Variants in RNF24 observed in about 807,000 individuals in gnomAD.
The protein encoded by RNF24 is ring finger protein 24.
A neutral mutation model predicts 20.0 loss-of-function variants in RNF24; 14 were observed. The observed-to-expected ratio is 0.70, with a 90% CI of 0.46 to 1.10. The LOEUF (loss-of-function observed/expected upper bound fraction) is 1.10. RNF24 is among the 50% of genes least tolerant of loss of function. RNF24 has a pLI of 0.00. For missense variants in RNF24, 124 were observed against 177.6 expected (o/e 0.70, Z 1.71); for synonymous variants, 45 against 61.1 (o/e 0.74, Z 1.23).
chr20:3,971,250 C>A (rs1276441945), intron 1 of RNF24, among the ~76,000 whole-genome samples: 2 of 152,050 alleles, frequency 1.3e-5, no homozygotes, highest in Non-Finnish European at 2.9e-5. Context: ...GAGCCATCAA[C>A]CCAAAATCCT....
Position 3,927,364 on chromosome 20 carries a change from A to G in RNF24, c.*6699T>C, listed in dbSNP as rs996320248. On this transcript the variant is annotated 3_prime_UTR_variant, in exon 6 of 6. Transcript: ENST00000358395. Reference sequence around the variant, plus strand: ...TTTGAGTCAATTACATGCATGTTTTATTTTTGAGGAGTGATTAGCAAAATG... The same window carrying G: ...TTTGAGTCAATTACATGCATGTTTTGTTTTTGAGGAGTGATTAGCAAAATG... The G allele has an allele frequency of 6.6e-6, 1 of 152,196 alleles. No individual in the cohort carries two copies. The highest frequency in any genetic ancestry group is 2.4e-5 in the African/African-American group (1 of 41,454). The allele number at this position is 152,196 out of a possible 1,614,324, so 9.4% of individuals were successfully genotyped here.
In RNF24 at chr20:3,930,180, T is replaced by C. The variant is rs1303149458; in HGVS notation, c.*3883A>G. 1 of 152,250 alleles carries C rather than the reference T, an allele frequency of 6.6e-6. No homozygotes were observed. The highest frequency in any genetic ancestry group is 2.4e-5 in the African/African-American group (1 of 41,462). 9.4% of individuals were successfully genotyped at this position (152,250 alleles called of 1,614,324 possible). On this transcript the variant is annotated 3_prime_UTR_variant, in exon 6 of 6. Transcript: ENST00000358395. ...AAAGGCTTTTAACTACTTTATGATT[T>C]GTGAACCACATGAATGGATTACCTA...
chr20:3,965,255 T>C (rs192481474), intron 1 of RNF24, among the ~76,000 whole-genome samples: 1 of 152,308 alleles, frequency 6.6e-6, no homozygotes, highest in East Asian at 1.9e-4. Context: ...AACTTCTACT[T>C]TTATTTATGC....
At chr20:3,975,032 C>A (rs552495794) in intron 1 of RNF24, among the ~76,000 whole-genome samples, 1 of 152,122 alleles carries the variant, frequency 6.6e-6, no homozygotes, top group Non-Finnish European at 1.5e-5. Context: ...AATCAAGACA[C>A]TGATTGGTTT....
chr20:4,007,786 T>C (rs1485349659), intron 1 of RNF24, among the ~76,000 whole-genome samples: 1 of 149,528 alleles, frequency 6.7e-6, no homozygotes, highest in Non-Finnish European at 1.5e-5. Flanking sequence ...CATGCTGGTG[T>C]GTGCCTGTGG....
intron 2 of RNF24, among the ~76,000 whole-genome samples, chr20:3,951,180 A>G (rs534788835): frequency 6.6e-6 from 1 of 152,286 alleles, no homozygotes; most frequent in East Asian, 1.9e-4. Flanking sequence ...GATGGTCTCA[A>G]TCTCCTGACC....
At chr20:3,990,352 A>G (rs1331829368) in intron 1 of RNF24, among the ~76,000 whole-genome samples, 1 of 152,174 alleles carries the variant, frequency 6.6e-6, no homozygotes, top group Non-Finnish European at 1.5e-5. Flanking sequence ...AGAGCAACTC[A>G]GCAAAATTAT....
chr20:3,933,098 AAG>A lies in RNF24; in HGVS notation c.*963_*964del, dbSNP rs1305313626. On this transcript the variant is annotated 3_prime_UTR_variant, in exon 6 of 6. Transcript: ENST00000358395. ...TTTTTTTTTTTTTTTCTGAAGTAGA[AAG>A]AGAGATAGGGCAAGAGAGAGAAGAG... 2.0e-4 allele frequency: 75 copies of A among 377,284 alleles called. No individual in the cohort carries two copies. In the East Asian group the frequency reaches 2.7e-3, roughly 13 times the overall value. 23.4% of individuals were successfully genotyped at this position (377,284 alleles called of 1,614,324 possible).
rs867884203 is a variant in RNF24 at position 3,933,083 on chromosome 20, T to C, written c.*980A>G. 813 of 394,128 alleles carry C rather than the reference T, an allele frequency of 2.1e-3. 5 individuals carry two copies. Among genetic ancestry groups the C allele is most frequent in the African/African-American group, 0.016 (747 of 46,480 alleles). The allele number at this position is 394,128 out of a possible 1,614,324, so 24.4% of individuals were successfully genotyped here. A position where few individuals can be genotyped will look rare whatever the true frequency, so the allele number is the denominator to read the frequency against. ...ACAGGCTTTTTTTTTTTTTTTTTTT[T>C]TTTTCTGAAGTAGAAAGAGAGATAG... On this transcript the variant is annotated 3_prime_UTR_variant, in exon 6 of 6. Transcript: ENST00000358395.
intron 2 of RNF24, among the ~76,000 whole-genome samples, chr20:3,953,913 C>T (rs962311764): frequency 2.6e-5 from 4 of 151,260 alleles, no homozygotes; most frequent in South Asian, 4.2e-4. Context: ...TGTGCCACCA[C>T]GTCCAGCTAA....
At chr20:3,948,135 C>A (rs2091041592) in intron 3 of RNF24, 102 bp downstream of exon 3, 8 of 790,246 alleles carry the variant, frequency 1.0e-5, no homozygotes, top group Non-Finnish European at 1.7e-5. Context: ...AAAATGAACA[C>A]AAGTAAATTC....
chr20:3,993,432 G>A (rs925839553), intron 1 of RNF24, among the ~76,000 whole-genome samples: 2 of 152,024 alleles, frequency 1.3e-5, no homozygotes, highest in Non-Finnish European at 2.9e-5. Context: ...GATTACAGGA[G>A]CCCGTCACCA....
chr20:3,980,300 A>G (rs1474059322), intron 1 of RNF24, among the ~76,000 whole-genome samples: 1 of 152,182 alleles, frequency 6.6e-6, no homozygotes. Flanking sequence ...TCGATGGTAG[A>G]TATGTTCACA....
At chr20:4,010,838 G>C (rs2122168887) in intron 1 of RNF24, among the ~76,000 whole-genome samples, 1 of 152,342 alleles carries the variant, frequency 6.6e-6, no homozygotes, top group East Asian at 1.9e-4. Context: ...CCAGGTGCAT[G>C]TTCTTGATCT....
chr20:3,938,747 A>G (rs1190018045), intron 4 of RNF24, among the ~76,000 whole-genome samples: 8 of 151,972 alleles, frequency 5.3e-5, no homozygotes, highest in Admixed American at 5.2e-4. Context: ...AAAAGTTTTT[A>G]ATTTTTTTTT....
chr20:3,949,666 G>A (rs548202279), intron 2 of RNF24, among the ~76,000 whole-genome samples: 3 of 152,022 alleles, frequency 2.0e-5, no homozygotes, highest in East Asian at 1.9e-4. Flanking sequence ...CCTGGGTGAC[G>A]GAGTGAGATC....
chr20:3,929,431 C>G lies in RNF24; in HGVS notation c.*4632G>C, dbSNP rs1415903466. On this transcript the variant is annotated 3_prime_UTR_variant, in exon 6 of 6. Coordinates refer to ENST00000358395, the MANE Select transcript of RNF24 (RefSeq NM_001134337.3). ...AAGTTGGGAGGGAAAGGGAGTAGCT[C>G]CATGAACTGACGCTGGACATTCAGG... The G allele has an allele frequency of 6.6e-6, 1 of 152,284 alleles. No individual in the cohort carries two copies. Among genetic ancestry groups the G allele is most frequent in the African/African-American group, 2.4e-5 (1 of 41,450 alleles). 9.4% of individuals were successfully genotyped at this position (152,284 alleles called of 1,614,324 possible).
intron 1 of RNF24, among the ~76,000 whole-genome samples, chr20:3,964,580 T>C (rs1379865377): frequency 3.3e-5 from 5 of 152,112 alleles, no homozygotes; most frequent in East Asian, 1.9e-4. Context: ...TGGAGTGCAA[T>C]GGTGTGATCT....
At position 3,930,524 on chromosome 20, in the gene RNF24, A is replaced by G. The variant is rs1311480844; in HGVS notation, c.*3539T>C. 6.7e-6 allele frequency: 1 copy of G among 148,776 alleles called. No individual in the cohort carries two copies. Among genetic ancestry groups the G allele is most frequent in the Non-Finnish European group, 1.5e-5 (1 of 68,020 alleles). 9.2% of individuals were successfully genotyped at this position (148,776 alleles called of 1,614,324 possible). ...TACTACAATCCCTGGGTGGTAGCTA[A>G]GGAAGCTAAGGAAGAGACTGAGAGG... is the stretch of plus-strand genomic sequence containing the variant. On this transcript the variant is annotated 3_prime_UTR_variant, in exon 6 of 6. Transcript: ENST00000358395.
Sources: allele counts gnomAD v4.1 joint callset (sites outside exome capture counted in the v4.1 genomes callset), GRCh38; gene constraint gnomAD v4.1.1; transcripts MANE v1.5; gene names NCBI Gene and HGNC (gene_info 2026-07-23, HGNC 2026-07-21).